DISP1: variants seen among roughly 807,000 people sequenced by gnomAD.
DISP1 encodes the protein protein dispatched homolog 1.
Under a neutral mutation model 37.3 loss-of-function variants are expected in DISP1, and 30 were observed. The ratio of observed to expected loss-of-function variants is 0.80; its 90% CI spans 0.60 to 1.09. DISP1 has a LOEUF of 1.09. Among genes scored for constraint, DISP1 ranks in the 50% least tolerant of loss-of-function variants. The pLI, the probability that DISP1 is intolerant of heterozygous loss-of-function variation, is 0.00. For missense variants in DISP1, 1,598 were observed against 1,879.5 expected (o/e 0.85, Z 2.77); for synonymous variants, 634 against 690.2 (o/e 0.92, Z 1.28).
At chr1:222,822,565 C>G (rs1663198705) in intron 1 of DISP1, among the ~76,000 whole-genome samples, 1 of 152,122 alleles carries the variant, frequency 6.6e-6, no homozygotes, top group Non-Finnish European at 1.5e-5. Flanking sequence ...ATTGAATTTT[C>G]AATGATAATG....
chr1:222,937,307 G>T (rs1030091949), intron 2 of DISP1, among the ~76,000 whole-genome samples: 8 of 151,574 alleles, frequency 5.3e-5, no homozygotes, highest in African/African-American at 1.9e-4. Context: ...AGCCAGGATG[G>T]TCTCGATCTC....
At chr1:222,865,046 T>G (rs1035585617) in intron 1 of DISP1, among the ~76,000 whole-genome samples, 40 of 152,194 alleles carry the variant, frequency 2.6e-4, no homozygotes, top group Admixed American at 7.9e-4. Context: ...GTTTTGTTTT[T>G]TTTTCCTTAA....
intron 1 of DISP1, among the ~76,000 whole-genome samples, chr1:222,914,854 G>C (rs1672406246): frequency 6.6e-6 from 1 of 152,058 alleles, no homozygotes; most frequent in Admixed American, 6.6e-5. Context: ...GTAGTACCAG[G>C]TATTCAGGAA....
chr1:222,895,135 A>G (rs537035452), intron 1 of DISP1, among the ~76,000 whole-genome samples: 6 of 152,288 alleles, frequency 3.9e-5, no homozygotes, highest in African/African-American at 1.4e-4. Context: ...GAGTACACTC[A>G]CATTTCTTAA....
chr1:222,913,712 G>T (rs951376226), intron 1 of DISP1, among the ~76,000 whole-genome samples: 10 of 150,894 alleles, frequency 6.6e-5, no homozygotes, highest in Non-Finnish European at 1.2e-4. Flanking sequence ...TTTGAGATAA[G>T]CCTCAGTAAC....
chr1:222,825,499 CTTTTTTT>C (rs954921482), intron 1 of DISP1, among the ~76,000 whole-genome samples: 1 of 131,820 alleles, frequency 7.6e-6, no homozygotes, highest in African/African-American at 2.8e-5. Flanking sequence ...ACCTGTTTCT[CTTTTTTT>C]TTTTTTTTTT....
chr1:222,987,347 A>G (rs555782608), intron 4 of DISP1, among the ~76,000 whole-genome samples: 1 of 152,304 alleles, frequency 6.6e-6, no homozygotes, highest in Admixed American at 6.5e-5. Context: ...GCTTTCCCCC[A>G]TGGTGTTTTA....
At chr1:222,899,422 T>C (rs974362527) in intron 1 of DISP1, among the ~76,000 whole-genome samples, 1 of 152,204 alleles carries the variant, frequency 6.6e-6, no homozygotes. Flanking sequence ...ATTAAATAAA[T>C]GGTTGAGAGT....
At chr1:222,891,373 A>C (rs1468714975) in intron 1 of DISP1, among the ~76,000 whole-genome samples, 2 of 152,180 alleles carry the variant, frequency 1.3e-5, no homozygotes, top group Non-Finnish European at 2.9e-5. Flanking sequence ...TCAGGTAGAG[A>C]TATCCAGTAG....
intron 1 of DISP1, among the ~76,000 whole-genome samples, chr1:222,828,344 C>T (rs142374629): frequency 2.9e-4 from 44 of 151,858 alleles, no homozygotes; most frequent in Middle Eastern, 6.8e-3. Context: ...CTATGGTTAC[C>T]GTAGAAATGT....
intron 4 of DISP1, among the ~76,000 whole-genome samples, chr1:222,985,359 C>T (rs1290823944): frequency 1.3e-5 from 2 of 152,154 alleles, no homozygotes; most frequent in East Asian, 1.9e-4. Context: ...CTCTAAAAAA[C>T]ACATATTTTT....
chr1:222,891,228 A>G (rs1670920469), intron 1 of DISP1, among the ~76,000 whole-genome samples: 1 of 152,158 alleles, frequency 6.6e-6, no homozygotes, highest in African/African-American at 2.4e-5. Context: ...GGAAGAGTGA[A>G]GTGACAATTC....
At chr1:222,984,419 A>ATATATATATATATATATATAT in intron 4 of DISP1, among the ~76,000 whole-genome samples, 1 of 101,106 alleles carries the variant, frequency 9.9e-6, no homozygotes, top group South Asian at 3.4e-4. Flanking sequence ...AAAAAAAAAA[A>ATATATATATATATATATATAT]AAATATATAT....
chr1:222,959,554 G>A (rs1170378412), intron 3 of DISP1, among the ~76,000 whole-genome samples: 2 of 151,852 alleles, frequency 1.3e-5, no homozygotes, highest in African/African-American at 4.8e-5. Flanking sequence ...TACAAAATGA[G>A]CCAGGCATGG....
chr1:222,934,443 T>C (rs17477752), intron 2 of DISP1, among the ~76,000 whole-genome samples: 17,684 of 152,126 alleles, frequency 0.12, 1,339 homozygotes, highest in Non-Finnish European at 0.16. Flanking sequence ...AGCCCCACTA[T>C]AGTTCTTTAT....
chr1:222,934,406 A>G (rs1205085204), intron 2 of DISP1, among the ~76,000 whole-genome samples: 1 of 152,092 alleles, frequency 6.6e-6, no homozygotes, highest in Non-Finnish European at 1.5e-5. Flanking sequence ...TTGTAGAGAC[A>G]ATACTTGCCT....
intron 1 of DISP1, among the ~76,000 whole-genome samples, chr1:222,838,392 A>G (rs1294522284): frequency 6.6e-6 from 1 of 151,942 alleles, no homozygotes; most frequent in Non-Finnish European, 1.5e-5. Flanking sequence ...TTGATTTTCT[A>G]ATTTTTACTT....
At chr1:222,845,373 T>C (rs977622122) in intron 1 of DISP1, among the ~76,000 whole-genome samples, 1 of 152,186 alleles carries the variant, frequency 6.6e-6, no homozygotes, top group Non-Finnish European at 1.5e-5. Flanking sequence ...ATGATTTATA[T>C]GTTGTTCTGA....
chr1:222,984,509 A>G (rs1336771895), intron 4 of DISP1, among the ~76,000 whole-genome samples: 2 of 148,882 alleles, frequency 1.3e-5, no homozygotes, highest in African/African-American at 2.5e-5. Context: ...TATATATAAC[A>G]TAGGTTTATA....
Sources: gnomAD v4.1 joint callset for allele counts (sites outside exome capture counted in the v4.1 genomes callset) on GRCh38, gnomAD v4.1.1 for gene constraint, MANE v1.5 for transcripts, NCBI Gene and HGNC (gene_info 2026-07-23, HGNC 2026-07-21) for gene names.